The following DNAH11 variants were observed in gnomAD, a reference collection of about 807,000 sequenced individuals.
DNAH11 encodes the protein axonemal beta dynein heavy chain 11.
DNAH11 carries 442 observed loss-of-function variants against 526.0 expected under a neutral mutation model. The observed-to-expected ratio is 0.84, with a 90% CI of 0.78 to 0.91. DNAH11 has a LOEUF of 0.91. Ranked by LOEUF, DNAH11 falls within the 40% of genes least tolerant of loss-of-function variation. The pLI is 0.00. For missense variants in DNAH11, 6,989 were observed against 5,448.7 expected (o/e 1.28, Z -8.90); for synonymous variants, 2,461 against 1,935.9 (o/e 1.27, Z -7.12).
intron 7 of DNAH11, among the ~76,000 whole-genome samples, chr7:21,570,921 C>A (rs1445556157): frequency 1.3e-5 from 2 of 151,272 alleles, no homozygotes; most frequent in Non-Finnish European, 2.9e-5. Context: ...ATGACACTGC[C>A]TTATTTTCTT....
chr7:21,571,630 T>C (rs2128437026), intron 7 of DNAH11, among the ~76,000 whole-genome samples, 176 bp from the exon 8 acceptor site: 1 of 152,326 alleles, frequency 6.6e-6, no homozygotes, highest in South Asian at 2.1e-4. Flanking sequence ...ATTTTAAAAA[T>C]TAGCAATGAC....
chr7:21,617,703 C>T lies in DNAH11; in HGVS notation c.4180C>T (p.Leu1394=), dbSNP rs757974207. The T allele has an allele frequency of 1.2e-6, 2 of 1,613,804 alleles. No homozygotes were observed. The highest frequency in any genetic ancestry group is 1.7e-6 in the Non-Finnish European group (2 of 1,179,802). Residue 1394 remains leucine, a synonymous_variant, in exon 23 of 82, where the codon CTG becomes TTG. Coordinates refer to ENST00000409508, the MANE Select transcript of DNAH11 (RefSeq NM_001277115.2). ...CACAGTTAAGGACATGACAGCCTCC[C>T]TGAGGGCCATCACAGAGTTACAGAG... ...EGTVKDMTAS[L]RAITELQSPA...
At chr7:21,708,569 C>A (rs1368426739) in intron 40 of DNAH11, among the ~76,000 whole-genome samples, 1 of 152,206 alleles carries the variant, frequency 6.6e-6, no homozygotes, top group Non-Finnish European at 1.5e-5. Flanking sequence ...GGGTTCCAAT[C>A]ACCTTTATAA....
chr7:21,765,880 C>G (rs914301411), intron 55 of DNAH11, among the ~76,000 whole-genome samples: 1 of 152,206 alleles, frequency 6.6e-6, no homozygotes, highest in Non-Finnish European at 1.5e-5. Context: ...CACTGACTCA[C>G]TGGAAGCCCA....
chr7:21,812,047 T>C (rs1337552843), intron 63 of DNAH11, among the ~76,000 whole-genome samples: 1 of 152,038 alleles, frequency 6.6e-6, no homozygotes, highest in Non-Finnish European at 1.5e-5. Flanking sequence ...TCTGATATCA[T>C]CCCCTTCCTC....
intron 65 of DNAH11, among the ~76,000 whole-genome samples, chr7:21,835,235 A>C (rs1041341431): frequency 2.0e-5 from 3 of 146,742 alleles, no homozygotes; most frequent in Non-Finnish European, 4.5e-5. Context: ...AAAAAAAAAA[A>C]AAAAAACAGA....
rs1785495151 is a variant in DNAH11 at position 21,733,900 on chromosome 7, G to A, written c.7441-1740G>A. On this transcript the variant is annotated intron_variant, in intron 45 of 81. Coordinates refer to ENST00000409508, the MANE Select transcript of DNAH11 (RefSeq NM_001277115.2). ...AAGAAATATATCCACAGCTATATGG[G>A]TAGTAAGTATAGGATGACCAACAGT... Among the ~76,000 whole-genome samples, 10 of 152,134 alleles carry A rather than the reference G, an allele frequency of 6.6e-5. 1 individual carries two copies. The highest frequency in any genetic ancestry group is 6.5e-4 in the Admixed American group (10 of 15,268).
chr7:21,749,380 G>A (rs766734099), intron 52 of DNAH11, among the ~76,000 whole-genome samples: 46 of 152,138 alleles, frequency 3.0e-4, no homozygotes, highest in Non-Finnish European at 5.4e-4. Context: ...TGAAAAAGGC[G>A]TCGCTGAATT....
At chr7:21,596,627 C>T (rs2128445515) in intron 14 of DNAH11, among the ~76,000 whole-genome samples, 1 of 152,226 alleles carries the variant, frequency 6.6e-6, no homozygotes, top group East Asian at 1.9e-4. Context: ...GGATTTAAAC[C>T]ATTAAGATAT....
At chr7:21,654,538 C>T (rs578050552) in intron 28 of DNAH11, among the ~76,000 whole-genome samples, 4 of 152,106 alleles carry the variant, frequency 2.6e-5, no homozygotes, top group South Asian at 2.1e-4. Flanking sequence ...AATAATGCTT[C>T]GATGAACAGA....
intron 25 of DNAH11, among the ~76,000 whole-genome samples, chr7:21,623,479 G>T (rs1360248420): frequency 2.0e-5 from 3 of 152,158 alleles, no homozygotes; most frequent in Admixed American, 6.5e-5. Context: ...ATACCCAAAG[G>T]ATTATAAATC....
intron 76 of DNAH11, among the ~76,000 whole-genome samples, chr7:21,887,173 G>T (rs1784155655): frequency 6.6e-6 from 1 of 152,174 alleles, no homozygotes; most frequent in Non-Finnish European, 1.5e-5. Context: ...TTAAAGTTCT[G>T]CTGCTCTTAT....
chr7:21,865,402 T>A (rs1243597408), intron 70 of DNAH11, among the ~76,000 whole-genome samples: 1 of 152,216 alleles, frequency 6.6e-6, no homozygotes, highest in East Asian at 1.9e-4. Context: ...GTCAGGGTCT[T>A]AACAGGAAAC....
Position 21,779,074 on chromosome 7 carries a change from AAAG to A in DNAH11, c.9455_9457del (p.Lys3152del). On this transcript the variant is annotated inframe_deletion, in exon 57 of 82. Coordinates refer to ENST00000409508, the MANE Select transcript of DNAH11 (RefSeq NM_001277115.2). ...TTCAGACGGAGAAAGTGAGCCGGGA[AAAG>A]ACCATCGCTGATGCTGAGGAGCGAA... is the stretch of plus-strand genomic sequence containing the variant. 6.2e-7 allele frequency: 1 copy of A among 1,613,322 alleles called. No homozygotes were observed. Among genetic ancestry groups the A allele is most frequent in the Non-Finnish European group, 8.5e-7 (1 of 1,179,462 alleles).
At chr7:21,757,942 T>A (rs931779818) in intron 54 of DNAH11, among the ~76,000 whole-genome samples, 1 of 152,192 alleles carries the variant, frequency 6.6e-6, no homozygotes, top group Admixed American at 6.5e-5. Context: ...CTTGCAAGAT[T>A]GTAAAGTCGA....
chr7:21,672,545 C>T (rs1191637249), intron 30 of DNAH11, among the ~76,000 whole-genome samples: 4 of 152,198 alleles, frequency 2.6e-5, no homozygotes, highest in Non-Finnish European at 1.5e-5. Flanking sequence ...CCTTGGCCTC[C>T]AGAAGCACTG....
At chr7:21,689,617 G>A (rs1015207122) in intron 34 of DNAH11, among the ~76,000 whole-genome samples, 3 of 152,350 alleles carry the variant, frequency 2.0e-5, no homozygotes, top group African/African-American at 7.2e-5. Context: ...GCGTGTGAGC[G>A]GCCCTGCCAG....
intron 37 of DNAH11, among the ~76,000 whole-genome samples, chr7:21,703,240 C>T (rs920303962): frequency 6.6e-6 from 1 of 152,106 alleles, no homozygotes; most frequent in African/African-American, 2.4e-5. Flanking sequence ...TGCCTGACAC[C>T]AATGAAATGC....
intron 45 of DNAH11, among the ~76,000 whole-genome samples, chr7:21,728,913 C>T (rs1223082880): frequency 6.6e-6 from 1 of 152,220 alleles, no homozygotes; most frequent in Admixed American, 6.5e-5. Flanking sequence ...GTACCGGGGC[C>T]CACTGGGATG....
Sources: gnomAD v4.1 joint callset for allele counts (sites outside exome capture counted in the v4.1 genomes callset) on GRCh38, gnomAD v4.1.1 for gene constraint, MANE v1.5 for transcripts, NCBI Gene and HGNC (gene_info 2026-07-23, HGNC 2026-07-21) for gene names.